LMX1B: variants seen among roughly 807,000 people sequenced by gnomAD.
LMX1B encodes the protein LIM homeobox transcription factor 1 beta, also known as LIM homeobox transcription factor 1-beta.
A neutral mutation model predicts 51.4 loss-of-function variants in LMX1B; 12 were observed. That is an observed-to-expected ratio of 0.23 (90% CI 0.15 to 0.38). The LOEUF (loss-of-function observed/expected upper bound fraction) is 0.38, where lower values mean the gene tolerates loss of function less well. Ranked by LOEUF, LMX1B falls within the 10% of genes least tolerant of loss-of-function variation. The pLI, the probability that LMX1B is intolerant of heterozygous loss-of-function variation, is 1.00. For missense variants in LMX1B, 445 were observed against 571.1 expected (o/e 0.78, Z 2.25); for synonymous variants, 237 against 235.4 (o/e 1.01, Z -0.06).
intron 2 of LMX1B, among the ~76,000 whole-genome samples, chr9:126,621,655 CTTTTTTTTTTTTTT>C (rs71377950): frequency 1.1e-3 from 132 of 116,868 alleles, no homozygotes; most frequent in Non-Finnish European, 1.9e-3. Flanking sequence ...TCTCTCTCTT[CTTTTTTTTTTTTTT>C]TTTTTTTTTT....
chr9:126,639,950 C>G (rs555792380), intron 2 of LMX1B, among the ~76,000 whole-genome samples: 54 of 152,338 alleles, frequency 3.5e-4, no homozygotes, highest in African/African-American at 1.3e-3. Context: ...ATCTAATTTG[C>G]AGCCTGGTAG....
intron 2 of LMX1B, among the ~76,000 whole-genome samples, chr9:126,631,234 G>A (rs926079324): frequency 4.6e-5 from 7 of 152,252 alleles, no homozygotes; most frequent in East Asian, 1.9e-4. Flanking sequence ...ATGCCCTTAC[G>A]GCTGCAGAGA....
rs1323955449 is a variant in LMX1B, at chr9:126,675,633, G to A, written c.327-15203G>A. Among the ~76,000 whole-genome samples, 6 of 151,696 alleles carry A rather than the reference G, an allele frequency of 4.0e-5. No homozygotes were observed. In the South Asian group the frequency reaches 1.2e-3, roughly 32 times the overall value. On this transcript the variant is annotated intron_variant, in intron 2 of 7. Transcript: ENST00000373474. ...CCAGCTACTCAGGAGGCTGAGGCAG[G>A]AGAATTGCTTGAACCCGGGAGGCAG... is the stretch of plus-strand genomic sequence containing the variant.
At chr9:126,647,215 GA>G (rs912222508) in intron 2 of LMX1B, among the ~76,000 whole-genome samples, 9 of 145,878 alleles carry the variant, frequency 6.2e-5, no homozygotes, top group African/African-American at 2.0e-4. Flanking sequence ...TCCATCTCAA[GA>G]AAAAAAAAAT....
chr9:126,619,934 T>C (rs1835377325), intron 2 of LMX1B, among the ~76,000 whole-genome samples: 1 of 152,166 alleles, frequency 6.6e-6, no homozygotes, highest in Non-Finnish European at 1.5e-5. Flanking sequence ...GGCACCTACC[T>C]GATCCTCCTC....
At chr9:126,691,223 G>A (rs1250132530) in intron 3 of LMX1B, among the ~76,000 whole-genome samples, 155 bp downstream of exon 3, 5 of 152,112 alleles carry the variant, frequency 3.3e-5, no homozygotes, top group African/African-American at 7.2e-5. Context: ...GCGCACTGAC[G>A]TGTCCACCTG....
chr9:126,651,781 G>A (rs1399843205), intron 2 of LMX1B, among the ~76,000 whole-genome samples: 2 of 152,256 alleles, frequency 1.3e-5, no homozygotes, highest in African/African-American at 4.8e-5. Context: ...TCTCTGAGAT[G>A]AGGATCCCAC....
Position 126,625,459 on chromosome 9 carries a change from C to A in LMX1B, c.326+9890C>A, listed in dbSNP as rs1425851454. Among the ~76,000 whole-genome samples the A allele has an allele frequency of 6.6e-6, 1 of 152,234 alleles. No homozygotes were observed. The highest frequency in any genetic ancestry group is 6.5e-5 in the Admixed American group (1 of 15,290). ...TGGCACTCCGGGTGCACACCCACCA[C>A]CCCCATTAAAGCGGGATTGACCAGA... On this transcript the variant is annotated intron_variant, in intron 2 of 7. Coordinates refer to ENST00000373474, the MANE Select transcript of LMX1B (RefSeq NM_001174147.2). This position sits in a 1 kb window ranked among gnomAD's most constrained non-coding sequence, Gnocchi z 5.3.
chr9:126,619,781 G>A lies in LMX1B; in HGVS notation c.326+4212G>A, dbSNP rs185092653. On this transcript the variant is annotated intron_variant, in intron 2 of 7. Coordinates refer to ENST00000373474, the MANE Select transcript of LMX1B (RefSeq NM_001174147.2). ...TCACCCTCGACTCCCCGGGCGCTGG[G>A]CTGGTGTGGCCTTATTTGTTTGCCC... Among the ~76,000 whole-genome samples the A allele has an allele frequency of 3.3e-5, 5 of 152,286 alleles. No homozygotes were observed. The East Asian group carries it at 9.7e-4, about 29-fold the overall frequency.
intron 2 of LMX1B, among the ~76,000 whole-genome samples, chr9:126,664,589 A>G (rs938098695): frequency 2.0e-5 from 3 of 152,184 alleles, no homozygotes; most frequent in Non-Finnish European, 4.4e-5. Context: ...ATAAATGCAC[A>G]AGTTGGCTGG....
chr9:126,651,468 G>A (rs904161340), intron 2 of LMX1B, among the ~76,000 whole-genome samples: 1 of 152,146 alleles, frequency 6.6e-6, no homozygotes, highest in East Asian at 1.9e-4. Context: ...GGGGACAGCG[G>A]CCTCCTGTTG....
In LMX1B at chr9:126,698,281, T is replaced by C. The variant is rs1402456196; in HGVS notation, c.*1830T>C. The C allele has an allele frequency of 6.6e-6, 1 of 152,518 alleles. No homozygotes were observed. The highest frequency in any genetic ancestry group is 6.5e-5 in the Admixed American group (1 of 15,284). The allele number at this position is 152,518 out of a possible 1,614,324, so 9.4% of individuals were successfully genotyped here. A position where few individuals can be genotyped will look rare whatever the true frequency, so the allele number is the denominator to read the frequency against. ...GGAATTTCTCTGCACCCTGATTCAG[T>C]GACCACTGCTCTCCTCTCTCCCAGC... On this transcript the variant is annotated 3_prime_UTR_variant, in exon 8 of 8. Transcript: ENST00000373474.
At chr9:126,638,401 C>T (rs1006260348) in intron 2 of LMX1B, among the ~76,000 whole-genome samples, 10 of 152,118 alleles carry the variant, frequency 6.6e-5, no homozygotes, top group African/African-American at 2.4e-4. Context: ...CCCAGGAGGC[C>T]AGTGCCCTCC....
intron 2 of LMX1B, among the ~76,000 whole-genome samples, chr9:126,617,892 C>G (rs1835332733): frequency 1.8e-5 from 2 of 110,074 alleles, no homozygotes. Context: ...TTAGGCCGGC[C>G]GGCAGGATGT....
Position 126,618,997 on chromosome 9 carries a change from G to T in LMX1B, c.326+3428G>T, listed in dbSNP as rs1028786295. ...CGGCGTCCTTCCGCCCGCAGGGCCT[G>T]CCCGGGCGGCCGAGCCTCTCGGCGA... is the stretch of plus-strand genomic sequence containing the variant. On this transcript the variant is annotated intron_variant, in intron 2 of 7. Transcript: ENST00000373474. The surrounding 1 kb of genome is among the most constrained non-coding windows in gnomAD (Gnocchi z 4.5). Among the ~76,000 whole-genome samples, 2 of 152,128 alleles carry T rather than the reference G, an allele frequency of 1.3e-5. No individual in the cohort carries two copies. Among genetic ancestry groups the T allele is most frequent in the African/African-American group, 4.8e-5 (2 of 41,530 alleles).
rs375657880 is a variant in LMX1B, at chr9:126,690,941, C to G, written c.432C>G (p.Cys144Trp). ...CVYHLGCFCC[C>W]VCERQLRKGD... ...ACCACCTGGGCTGCTTCTGCTGCTGCGTGTGTGAACGGCAGCTACGCAAGG... is the reference window on the plus strand; with the variant it reads ...ACCACCTGGGCTGCTTCTGCTGCTGGGTGTGTGAACGGCAGCTACGCAAGG... Residue 144 changes from cysteine to tryptophan, a missense_variant, in exon 3 of 8, where the codon TGC (cysteine) becomes TGG (tryptophan). By Grantham distance (215) the Cys-to-Trp change is radical. Around this residue, in one of 3 missense-constraint regions of LMX1B, gnomAD observed 273 missense variants for 343.3 expected, o/e 0.80. Transcript: ENST00000373474. 1.2e-6 allele frequency: 2 copies of G among 1,614,056 alleles called. No homozygotes were observed. Among genetic ancestry groups the G allele is most frequent in the Admixed American group, 1.7e-5 (1 of 60,024 alleles).
At position 126,615,390 on chromosome 9, in the gene LMX1B, C is replaced by T. The variant is rs1368914248; in HGVS notation, c.147C>T (p.Asp49=). 6 of 1,599,566 alleles carry T rather than the reference C, an allele frequency of 3.8e-6. No homozygotes were observed. Among genetic ancestry groups the T allele is most frequent in the Non-Finnish European group, 4.3e-6 (5 of 1,174,882 alleles). ...TCGCCCTGTGCGCTACAGGCTCCGA[C>T]TGCCCGCATCCCGCCGTCTGCGAGG... The part of the protein sequence containing the change: ...PATLGVLLGS[D]CPHPAVCEGC... Residue 49 remains aspartate, a synonymous_variant, in exon 2 of 8, where the codon GAC becomes GAT. Transcript: ENST00000373474. The surrounding 1 kb of genome is among the most constrained non-coding windows in gnomAD (Gnocchi z 6.0).
chr9:126,674,893 C>T (rs1386135137), intron 2 of LMX1B, among the ~76,000 whole-genome samples: 2 of 152,230 alleles, frequency 1.3e-5, no homozygotes, highest in African/African-American at 2.4e-5. Flanking sequence ...ACTCAAGCCA[C>T]TCCCTACTTA....
intron 2 of LMX1B, among the ~76,000 whole-genome samples, chr9:126,656,450 C>T (rs1836119671): frequency 6.6e-6 from 1 of 150,792 alleles, no homozygotes; most frequent in Non-Finnish European, 1.5e-5. Context: ...ATAGATAGAT[C>T]CTCAGAGGCC....
Sources: allele counts gnomAD v4.1 joint callset (sites outside exome capture counted in the v4.1 genomes callset), GRCh38; gene constraint gnomAD v4.1.1; regional missense constraint gnomAD v4.1.1; non-coding constraint Gnocchi (gnomAD v3.1); transcripts MANE v1.5; gene names NCBI Gene and HGNC (gene_info 2026-07-23, HGNC 2026-07-21).